The following NKAIN2 variants were observed in gnomAD, a reference collection of about 807,000 sequenced individuals.
The protein encoded by NKAIN2 is sodium/potassium transporting ATPase interacting 2, also known as sodium/potassium-transporting ATPase subunit beta-1-interacting protein 2.
In NKAIN2, 14 loss-of-function variants were observed where a neutral mutation model predicts 32.6. The ratio of observed to expected loss-of-function variants is 0.43; its 90% CI spans 0.28 to 0.67. The LOEUF (loss-of-function observed/expected upper bound fraction) is 0.67, where lower values mean the gene tolerates loss of function less well. NKAIN2 is among the 30% of genes least tolerant of loss of function. The probability of loss-of-function intolerance (pLI) is 0.17; values close to 1 mark genes in which losing one functional copy is unlikely to be tolerated. For synonymous variants in NKAIN2, 80 were observed against 87.2 expected (o/e 0.92, Z 0.46); for missense variants, 198 against 258.3 (o/e 0.77, Z 1.60).
intron 1 of NKAIN2, among the ~76,000 whole-genome samples, chr6:123,811,405 C>A (rs1216167626): frequency 2.0e-4 from 8 of 39,632 alleles, no homozygotes; most frequent in Non-Finnish European, 2.8e-4. Context: ...GTAAGCACAG[C>A]GCTGGGGTGG....
In NKAIN2 at chr6:124,315,908, G is replaced by T. The variant is rs190734033; in HGVS notation, c.192+32766G>T. Among the ~76,000 whole-genome samples, 611 of 152,104 alleles carry T rather than the reference G, an allele frequency of 4.0e-3. 4 individuals carry two copies. The highest frequency in any genetic ancestry group is 0.011 in the Admixed American group (166 of 15,226). On this transcript the variant is annotated intron_variant, in intron 2 of 6. Transcript: ENST00000368417. ...AACATTTTTAGAAACTCAGAGAATTGATGGGTCAAGTTAAAATGTTCTTAT... is the reference window on the plus strand; with the variant it reads ...AACATTTTTAGAAACTCAGAGAATTTATGGGTCAAGTTAAAATGTTCTTAT...
intron 3 of NKAIN2, among the ~76,000 whole-genome samples, chr6:124,462,648 T>G (rs892025534): frequency 6.6e-6 from 1 of 152,004 alleles, no homozygotes; most frequent in Non-Finnish European, 1.5e-5. Context: ...CAGTTCAATA[T>G]TATAATTTAT....
At chr6:124,355,240 C>T (rs762785327) in intron 2 of NKAIN2, 27 bp from the exon 3 acceptor site, 29 of 1,442,608 alleles carry the variant, frequency 2.0e-5, no homozygotes, top group Non-Finnish European at 2.4e-5. Flanking sequence ...ATTAATTATA[C>T]GTTATTTCTC....
At chr6:124,755,371 C>T (rs919867394) in intron 4 of NKAIN2, among the ~76,000 whole-genome samples, 6 of 152,104 alleles carry the variant, frequency 3.9e-5, no homozygotes, top group African/African-American at 1.4e-4. Context: ...GGTGGGTCTT[C>T]CTCTCCCAGT....
chr6:124,399,658 T>A (rs1007105698), intron 3 of NKAIN2, among the ~76,000 whole-genome samples: 2 of 152,216 alleles, frequency 1.3e-5, no homozygotes, highest in Non-Finnish European at 2.9e-5. Context: ...TCTCTCATAG[T>A]ATCTGTCTGC....
intron 4 of NKAIN2, among the ~76,000 whole-genome samples, chr6:124,776,271 C>CT (rs1778979247): frequency 6.6e-6 from 1 of 152,130 alleles, no homozygotes; most frequent in Non-Finnish European, 1.5e-5. Context: ...CTGACTAGCC[C>CT]TTGGGTTTAT....
At position 124,299,970 on chromosome 6, in the gene NKAIN2, G is replaced by A. The variant is rs577385625; in HGVS notation, c.192+16828G>A. Among the ~76,000 whole-genome samples, 5 of 152,314 alleles carry A rather than the reference G, an allele frequency of 3.3e-5. No homozygotes were observed. The South Asian group carries it at 1.0e-3, about 32-fold the overall frequency. On this transcript the variant is annotated intron_variant, in intron 2 of 6. Transcript: ENST00000368417. The stretch of plus-strand genomic sequence containing the variant: ...AAAACTTGTTCTGTTGTTACTGTGT[G>A]TATGACTGGCATATCTCAAATCAGC...
intron 1 of NKAIN2, among the ~76,000 whole-genome samples, chr6:123,976,086 C>G (rs560686274): frequency 7.0e-4 from 106 of 151,276 alleles, no homozygotes; most frequent in African/African-American, 2.4e-3. Flanking sequence ...GTCCCACGTG[C>G]CTTTTGCCTT....
chr6:124,777,275 G>A (rs777337808), intron 4 of NKAIN2, among the ~76,000 whole-genome samples: 1 of 152,118 alleles, frequency 6.6e-6, no homozygotes, highest in Non-Finnish European at 1.5e-5. Flanking sequence ...AAATGCCCAT[G>A]GATGCCAGGG....
intron 3 of NKAIN2, among the ~76,000 whole-genome samples, chr6:124,357,560 T>C (rs539130656): frequency 2.0e-5 from 3 of 152,232 alleles, no homozygotes; most frequent in East Asian, 1.9e-4. Context: ...GTCTACCCTA[T>C]GAATGGATCA....
intron 3 of NKAIN2, among the ~76,000 whole-genome samples, chr6:124,559,891 T>C (rs1780625853): frequency 7.5e-6 from 1 of 133,420 alleles, no homozygotes; most frequent in Non-Finnish European, 1.6e-5. Context: ...ATGAGATGGT[T>C]CACTTCCACA....
intron 3 of NKAIN2, among the ~76,000 whole-genome samples, chr6:124,470,316 A>G (rs898541345): frequency 6.6e-6 from 1 of 152,000 alleles, no homozygotes; most frequent in African/African-American, 2.4e-5. Context: ...TTCTATATTA[A>G]CTCAAGATAA....
intron 1 of NKAIN2, among the ~76,000 whole-genome samples, chr6:124,131,993 T>C (rs573655484): frequency 2.6e-4 from 39 of 152,248 alleles, no homozygotes; most frequent in African/African-American, 8.2e-4. Flanking sequence ...GCTTGCTTTC[T>C]CAGAAGGGAA....
chr6:123,921,101 G>A (rs1015368423), intron 1 of NKAIN2, among the ~76,000 whole-genome samples: 1 of 152,266 alleles, frequency 6.6e-6, no homozygotes, highest in African/African-American at 2.4e-5. Context: ...AAGGCAGAGG[G>A]AAAATTCACA....
At chr6:124,672,818 C>G (rs1773171100) in intron 4 of NKAIN2, among the ~76,000 whole-genome samples, 1 of 152,072 alleles carries the variant, frequency 6.6e-6, no homozygotes, top group Admixed American at 6.6e-5. Flanking sequence ...GGCATCTTCT[C>G]TAAGCCTCAG....
chr6:124,740,209 C>G (rs1017421954), intron 4 of NKAIN2, among the ~76,000 whole-genome samples: 9 of 151,252 alleles, frequency 6.0e-5, no homozygotes, highest in Admixed American at 2.6e-4. Flanking sequence ...GGAAGGAATT[C>G]TAATGGTGAG....
intron 4 of NKAIN2, among the ~76,000 whole-genome samples, chr6:124,779,247 A>AAGAGAGAGAGAGAGAGAG (rs71024703): frequency 4.0e-5 from 3 of 75,366 alleles, no homozygotes; most frequent in African/African-American, 1.8e-4. Context: ...CCAACAAAGA[A>AAGAGAGAGAGAGAGAGAG]AGAGAGAGAG....
Position 123,841,595 on chromosome 6 carries a change from A to G in NKAIN2, c.54+37341A>G, listed in dbSNP as rs533982935. 1.2e-4 allele frequency among the ~76,000 whole-genome samples: 18 copies of G among 152,280 alleles called. No homozygotes were observed. In the South Asian group the frequency reaches 2.5e-3, roughly 21 times the overall value. ...TCAACAGGAAGTCTGTACACAGTCT[A>G]AGGAAGTTTCCCAGATATGACATTC... is the stretch of plus-strand genomic sequence containing the variant. On this transcript the variant is annotated intron_variant, in intron 1 of 6. Transcript: ENST00000368417.
intron 1 of NKAIN2, among the ~76,000 whole-genome samples, chr6:124,219,849 A>G (rs994853950): frequency 2.0e-5 from 3 of 152,182 alleles, no homozygotes; most frequent in Admixed American, 6.5e-5. Flanking sequence ...AGGATAAGAG[A>G]TATACTAACA....
Sources: allele counts gnomAD v4.1 joint callset (sites outside exome capture counted in the v4.1 genomes callset), GRCh38; gene constraint gnomAD v4.1.1; transcripts MANE v1.5; gene names NCBI Gene and HGNC (gene_info 2026-07-23, HGNC 2026-07-21).